The following SYTL5 variants were observed in gnomAD, a reference collection of about 807,000 sequenced individuals.
The protein encoded by SYTL5 is synaptotagmin like 5, also known as synaptotagmin-like protein 5.
SYTL5 carries 34 observed loss-of-function variants against 55.9 expected under a neutral mutation model. The observed-to-expected ratio is 0.61, with a 90% CI of 0.46 to 0.81. The LOEUF is 0.81. SYTL5 is among the 30% of genes least tolerant of loss of function. The pLI is 0.00. For synonymous variants in SYTL5, 221 were observed against 188.7 expected (o/e 1.17, Z -1.40); for missense variants, 637 against 546.7 (o/e 1.17, Z -1.65).
chrX:37,917,183 A>G, the SYTL5 span, among the ~76,000 whole-genome samples: 1 of 111,577 alleles, frequency 9.0e-6, no homozygotes, highest in Non-Finnish European at 1.9e-5. Context: ...TGGCTGAAGT[A>G]GTGACTGTCA....
chrX:38,117,545 G>A (rs1445526024), intron 13 of SYTL5, among the ~76,000 whole-genome samples: 5 of 111,829 alleles, frequency 4.5e-5, no homozygotes, highest in Non-Finnish European at 9.4e-5. Flanking sequence ...TTAAACCTTC[G>A]GGGCTTACAG....
At chrX:37,960,766 TTTTATTTA>T in the SYTL5 span, among the ~76,000 whole-genome samples, 3,643 of 80,737 alleles carry the variant, frequency 0.045, 226 homozygotes, top group African/African-American at 0.16. Flanking sequence ...TCCAGATTAT[TTTTATTTA>T]TTTATTTATT....
the SYTL5 span, among the ~76,000 whole-genome samples, chrX:37,996,647 G>A: frequency 8.9e-6 from 1 of 112,184 alleles, no homozygotes; most frequent in Non-Finnish European, 1.9e-5. Flanking sequence ...AGACTTGGAG[G>A]GTAAAGGCAA....
the SYTL5 span, among the ~76,000 whole-genome samples, chrX:37,889,945 C>G: frequency 1.8e-5 from 2 of 111,354 alleles, no homozygotes; most frequent in Non-Finnish European, 3.8e-5. Context: ...CAGACCAGGA[C>G]TCACTAACAC....
Position 38,094,778 on chromosome X carries a change from G to A in SYTL5, c.961+354G>A, listed in dbSNP as rs1360937703. 4.5e-5 allele frequency among the ~76,000 whole-genome samples: 5 copies of A among 111,756 alleles called. No individual in the cohort carries two copies. The East Asian group carries it at 1.1e-3, about 25-fold the overall frequency. ...TGCTTGCTCAGAGTTCAAGGAAATG[G>A]TAGTTCAATTGATATAGTAGTCAGA... is the stretch of plus-strand genomic sequence containing the variant. On this transcript the variant is annotated intron_variant, in intron 8 of 16. Transcript: ENST00000297875.
intron 7 of SYTL5, among the ~76,000 whole-genome samples, chrX:38,092,893 T>A (rs1454643364): frequency 8.9e-6 from 1 of 112,048 alleles, no homozygotes; most frequent in Non-Finnish European, 1.9e-5. Flanking sequence ...ATGTATTGCT[T>A]GTTAATGACA....
At chrX:37,964,946 C>G in the SYTL5 span, among the ~76,000 whole-genome samples, 1 of 110,695 alleles carries the variant, frequency 9.0e-6, no homozygotes, top group Non-Finnish European at 1.9e-5. Context: ...TCTTTAATTT[C>G]TAATTTTATT....
intron 1 of SYTL5, among the ~76,000 whole-genome samples, chrX:38,026,793 C>T (rs1569159767): frequency 9.0e-6 from 1 of 111,566 alleles, no homozygotes; most frequent in Non-Finnish European, 1.9e-5. Flanking sequence ...TCAACAAGGT[C>T]TTTATGACCT....
chrX:37,936,131 T>A, the SYTL5 span, among the ~76,000 whole-genome samples: 1 of 112,248 alleles, frequency 8.9e-6, no homozygotes, highest in East Asian at 2.8e-4. Flanking sequence ...GATAAAGGAA[T>A]ACATTTAATA....
intron 6 of SYTL5, among the ~76,000 whole-genome samples, chrX:38,088,669 T>G (rs1037095032): frequency 2.0e-4 from 22 of 112,594 alleles, no homozygotes; most frequent in Middle Eastern, 9.1e-3. Context: ...TGTCATTATT[T>G]TTGTACCACA....
chrX:38,090,418 T>C (rs1345147487), intron 7 of SYTL5, among the ~76,000 whole-genome samples: 2 of 112,344 alleles, frequency 1.8e-5, no homozygotes, highest in African/African-American at 3.2e-5. Context: ...GGTTTTCTCT[T>C]TTAAAAGAGA....
At chrX:37,999,135 C>T in the SYTL5 span, among the ~76,000 whole-genome samples, 24 of 111,926 alleles carry the variant, frequency 2.1e-4, no homozygotes, top group East Asian at 3.6e-3. Context: ...AAATGTGTGA[C>T]GAAGACAGAT....
chrX:37,938,275 A>G, the SYTL5 span, among the ~76,000 whole-genome samples: 1 of 112,037 alleles, frequency 8.9e-6, no homozygotes, highest in Non-Finnish European at 1.9e-5. Flanking sequence ...CACTGGTGAT[A>G]ACTATCAAAT....
At chrX:37,974,780 G>T in the SYTL5 span, among the ~76,000 whole-genome samples, 1 of 112,330 alleles carries the variant, frequency 8.9e-6, no homozygotes, top group Non-Finnish European at 1.9e-5. Context: ...ATAACAGATT[G>T]TTGGGTTATT....
the SYTL5 span, among the ~76,000 whole-genome samples, chrX:37,961,072 C>T: frequency 2.8e-4 from 31 of 110,701 alleles, no homozygotes; most frequent in Non-Finnish European, 4.2e-4. Flanking sequence ...GTGTGAGCCA[C>T]CGCGCCCGGC....
the SYTL5 span, among the ~76,000 whole-genome samples, chrX:37,973,122 G>T: frequency 9.2e-6 from 1 of 108,776 alleles, no homozygotes; most frequent in African/African-American, 3.3e-5. Flanking sequence ...GGAATTTCAA[G>T]GTCTGGCAAG....
chrX:38,079,299 G>A (rs1447548537), intron 6 of SYTL5, among the ~76,000 whole-genome samples: 1 of 111,501 alleles, frequency 9.0e-6, no homozygotes, highest in African/African-American at 3.3e-5. Flanking sequence ...CATCATATAA[G>A]AGTGTAAATG....
intron 5 of SYTL5, among the ~76,000 whole-genome samples, chrX:38,074,090 G>A (rs1936330920): frequency 9.0e-6 from 1 of 111,503 alleles, no homozygotes; most frequent in Non-Finnish European, 1.9e-5. Flanking sequence ...CCAAAATAAA[G>A]ATTTATTAAT....
intron 3 of SYTL5, among the ~76,000 whole-genome samples, chrX:38,065,335 C>T (rs1258851629): frequency 9.0e-6 from 1 of 111,728 alleles, no homozygotes; most frequent in Non-Finnish European, 1.9e-5. Context: ...TATTTTACCT[C>T]TCCTGAAGTA....
Sources: gnomAD v4.1 joint callset for allele counts (sites outside exome capture counted in the v4.1 genomes callset) on GRCh38, gnomAD v4.1.1 for gene constraint, MANE v1.5 for transcripts, NCBI Gene and HGNC (gene_info 2026-07-23, HGNC 2026-07-21) for gene names.